Variants in TGFBR2 observed in about 807,000 individuals in gnomAD.
The protein encoded by TGFBR2 is transforming growth factor beta receptor 2.
A neutral mutation model predicts 49.0 loss-of-function variants in TGFBR2; 18 were observed. That is an observed-to-expected ratio of 0.37 (90% CI 0.25 to 0.54). The LOEUF is 0.54. Ranked by LOEUF, TGFBR2 falls within the 20% of genes least tolerant of loss-of-function variation. TGFBR2 has a pLI of 0.85. For missense variants in TGFBR2, 525 were observed against 722.6 expected (o/e 0.73, Z 3.13); for synonymous variants, 282 against 275.9 (o/e 1.02, Z -0.22).
At chr3:30,630,630 T>G (rs1698417456) in intron 1 of TGFBR2, among the ~76,000 whole-genome samples, 1 of 152,244 alleles carries the variant, frequency 6.6e-6, no homozygotes, top group Non-Finnish European at 1.5e-5. Flanking sequence ...CTACTGTGGC[T>G]GATGTCTCCC....
chr3:30,642,121 A>T (rs1270271321), intron 1 of TGFBR2, among the ~76,000 whole-genome samples: 3 of 152,068 alleles, frequency 2.0e-5, no homozygotes, highest in Non-Finnish European at 1.5e-5. Context: ...TCCTGTCACT[A>T]TTCTCACGTT....
At chr3:30,655,250 T>G (rs910467744) in intron 3 of TGFBR2, among the ~76,000 whole-genome samples, 1 of 152,216 alleles carries the variant, frequency 6.6e-6, no homozygotes, top group Admixed American at 6.5e-5. Flanking sequence ...AAACCAGGCC[T>G]GTGTAGCCTT....
At chr3:30,632,071 T>C (rs1258990761) in intron 1 of TGFBR2, among the ~76,000 whole-genome samples, 1 of 152,198 alleles carries the variant, frequency 6.6e-6, no homozygotes, top group Non-Finnish European at 1.5e-5. Flanking sequence ...TCTACTACAA[T>C]TGTTGTTGCC....
chr3:30,683,155 T>G (rs1326641162), intron 5 of TGFBR2, among the ~76,000 whole-genome samples: 3 of 152,234 alleles, frequency 2.0e-5, no homozygotes, highest in African/African-American at 7.2e-5. Flanking sequence ...ATATTCTTTG[T>G]CTGACTCATT....
intron 1 of TGFBR2, among the ~76,000 whole-genome samples, chr3:30,616,508 T>C (rs780288894): frequency 6.6e-6 from 1 of 152,344 alleles, no homozygotes; most frequent in Non-Finnish European, 1.5e-5. Flanking sequence ...GGAATCTAGG[T>C]GTCTGGGTGA....
chr3:30,691,540 G>T lies in TGFBR2; in HGVS notation c.1645G>T (p.Gly549Trp), dbSNP rs748418894. 3.7e-6 allele frequency: 6 copies of T among 1,614,034 alleles called. No homozygotes were observed. The African/African-American group carries it at 8.0e-5, about 22-fold the overall frequency. The change falls in exon 7 of 7, where the codon GGG (glycine) becomes TGG (tryptophan). Residue 549 changes from glycine (G) to tryptophan (W), a missense_variant. Physicochemically the swap from Gly to Trp is radical, Grantham distance 184 (BLOSUM62 -2). Around this residue, in one of 3 missense-constraint regions of TGFBR2, gnomAD observed 104 missense variants for 133.4 expected, o/e 0.78. Transcript: ENST00000295754. ...SELEHLDRLS[G>W]RSCSEEKIPE... ...GCTGGAGCATCTGGACAGGCTCTCG[G>T]GGAGGAGCTGCTCGGAGGAGAAGAT...
chr3:30,636,471 G>A (rs1215870769), intron 1 of TGFBR2, among the ~76,000 whole-genome samples: 2 of 152,128 alleles, frequency 1.3e-5, no homozygotes, highest in Non-Finnish European at 2.9e-5. Flanking sequence ...ATGTGGGGCT[G>A]TCACTTGAAT....
chr3:30,636,502 A>G (rs1419701974), intron 1 of TGFBR2, among the ~76,000 whole-genome samples: 2 of 152,218 alleles, frequency 1.3e-5, no homozygotes, highest in African/African-American at 4.8e-5. Flanking sequence ...TGCATCTGCC[A>G]TGACAGAATC....
chr3:30,653,002 A>G (rs530540279), intron 3 of TGFBR2, among the ~76,000 whole-genome samples: 2 of 152,282 alleles, frequency 1.3e-5, no homozygotes, highest in African/African-American at 4.8e-5. Context: ...AAGTGAGATA[A>G]TAAGCATAAA....
chr3:30,634,250 A>G (rs1337708951), intron 1 of TGFBR2, among the ~76,000 whole-genome samples: 1 of 152,212 alleles, frequency 6.6e-6, no homozygotes, highest in Non-Finnish European at 1.5e-5. Flanking sequence ...AATAGTCACT[A>G]TCTTTTAAAA....
intron 1 of TGFBR2, among the ~76,000 whole-genome samples, chr3:30,610,496 A>G (rs542193763): frequency 6.6e-6 from 1 of 152,260 alleles, no homozygotes; most frequent in South Asian, 2.1e-4. Flanking sequence ...AGCCAGCATG[A>G]TGGACCCAAT....
At chr3:30,624,624 A>AG (rs1167143198) in intron 1 of TGFBR2, among the ~76,000 whole-genome samples, 1 of 152,116 alleles carries the variant, frequency 6.6e-6, no homozygotes, top group Non-Finnish European at 1.5e-5. Context: ...CAAAGGAAAA[A>AG]AAAAAAAGAA....
At chr3:30,658,671 C>T (rs1699053713) in intron 3 of TGFBR2, among the ~76,000 whole-genome samples, 1 of 152,168 alleles carries the variant, frequency 6.6e-6, no homozygotes, top group African/African-American at 2.4e-5. Flanking sequence ...TTCTTGTAGC[C>T]ACAAAGTTTC....
At chr3:30,656,716 C>A (rs1405560543) in intron 3 of TGFBR2, among the ~76,000 whole-genome samples, 1 of 152,196 alleles carries the variant, frequency 6.6e-6, no homozygotes. Flanking sequence ...TAACTTAGAA[C>A]TGAACTGCTT....
intron 1 of TGFBR2, among the ~76,000 whole-genome samples, chr3:30,624,144 A>T (rs1369299748): frequency 1.3e-5 from 2 of 152,102 alleles, no homozygotes. Flanking sequence ...TTCCATCTCA[A>T]AAAACAAACA....
At chr3:30,636,211 G>C (rs1177857756) in intron 1 of TGFBR2, among the ~76,000 whole-genome samples, 1 of 142,384 alleles carries the variant, frequency 7.0e-6, no homozygotes, top group Non-Finnish European at 1.5e-5. Flanking sequence ...ATAGTACTGG[G>C]ATTACAGGCG....
rs1443786366 is a variant in TGFBR2 at position 30,672,176 on chromosome 3, C to A, written c.993C>A (p.Gly331=). The A allele has an allele frequency of 6.2e-7, 1 of 1,614,116 alleles. No individual in the cohort carries two copies. The highest frequency in any genetic ancestry group is 1.1e-5 in the South Asian group (1 of 91,078). The change falls in exon 4 of 7, where the codon GGC becomes GGA. Residue 331 remains glycine, a synonymous_variant. Transcript: ENST00000295754. This position sits in a 1 kb window ranked among gnomAD's most constrained non-coding sequence, Gnocchi z 4.5. ...YWLITAFHAK[G]NLQEYLTRHV... ...TGATCACCGCCTTCCACGCCAAGGG[C>A]AACCTACAGGAGTACCTGACGCGGC...
chr3:30,610,519 T>G (rs531353758), intron 1 of TGFBR2, among the ~76,000 whole-genome samples: 13 of 152,288 alleles, frequency 8.5e-5, no homozygotes, highest in Middle Eastern at 3.4e-3. Context: ...GTTCATTTAG[T>G]GCTCTCTTTG....
intron 6 of TGFBR2, among the ~76,000 whole-genome samples, chr3:30,690,976 CT>C (rs908771994): frequency 6.6e-6 from 1 of 152,158 alleles, no homozygotes; most frequent in Admixed American, 6.5e-5. Flanking sequence ...AAGGCTGTGC[CT>C]TTATGGGGAA....
Sources: gnomAD v4.1 joint callset for allele counts (sites outside exome capture counted in the v4.1 genomes callset) on GRCh38, gnomAD v4.1.1 for gene constraint, gnomAD v4.1.1 regional missense constraint, Gnocchi (gnomAD v3.1) non-coding constraint, MANE v1.5 for transcripts, NCBI Gene and HGNC (gene_info 2026-07-23, HGNC 2026-07-21) for gene names.